Variants in SORCS3 observed in about 807,000 individuals in gnomAD.
The protein encoded by SORCS3 is sortilin related VPS10 domain containing receptor 3, also known as VPS10 domain-containing receptor SorCS3.
In SORCS3, 57 loss-of-function variants were observed where a neutral mutation model predicts 146.3. That is an observed-to-expected ratio of 0.39 (90% CI 0.31 to 0.49). SORCS3 has a LOEUF of 0.49. SORCS3 is among the 20% of genes least tolerant of loss of function. The probability of loss-of-function intolerance (pLI) is 0.92; values close to 1 mark genes in which losing one functional copy is unlikely to be tolerated. For synonymous variants in SORCS3, 653 were observed against 618.5 expected, an observed-to-expected ratio of 1.06 and a Z score of -0.83; for missense variants, 1,341 against 1,575.5, an observed-to-expected ratio of 0.85 and a Z score of 2.52.
At chr10:104,926,088 G>A (rs1419420530) in intron 3 of SORCS3, among the ~76,000 whole-genome samples, 2 of 152,198 alleles carry the variant, frequency 1.3e-5, no homozygotes, top group African/African-American at 4.8e-5. Context: ...AGTGGCTGCT[G>A]GGCCTCCCCT....
chr10:104,791,596 C>T (rs1473999026), intron 1 of SORCS3, among the ~76,000 whole-genome samples: 1 of 152,184 alleles, frequency 6.6e-6, no homozygotes, highest in Non-Finnish European at 1.5e-5. Context: ...GATTAAATTT[C>T]AGCAGAATCA....
intron 8 of SORCS3, among the ~76,000 whole-genome samples, chr10:105,146,597 G>A (rs924252971): frequency 6.6e-6 from 1 of 152,000 alleles, no homozygotes; most frequent in African/African-American, 2.4e-5. Context: ...TACTTCATGA[G>A]TCATCAGTTT....
chr10:104,910,248 T>C (rs1030895698), intron 2 of SORCS3, among the ~76,000 whole-genome samples: 4 of 152,174 alleles, frequency 2.6e-5, no homozygotes, highest in African/African-American at 9.7e-5. Context: ...CAAGGAGCAG[T>C]GTCTCTTTGG....
rs1176039734 is a variant in SORCS3 at position 105,158,909 on chromosome 10, T to G, written c.1647T>G (p.His549Gln). ...VHCLLPFCSL[H>Q]LHLQLSENPY... is the part of the protein sequence containing the mutation. ...CATTTTAGCCCTTCTGTTCCTTACA[T>G]CTGCACCTGCAACTCTCTGAAAATC... Residue 549 changes from histidine (H) to glutamine (Q), a missense_variant, in exon 11 of 27, where the codon CAT becomes CAG. By Grantham distance (24) the His-to-Gln change is conservative. Transcript: ENST00000369701. 6.2e-7 allele frequency: 1 copy of G among 1,612,670 alleles called. No individual in the cohort carries two copies. The highest frequency in any genetic ancestry group is 1.1e-5 in the South Asian group (1 of 91,062).
chr10:105,074,384 A>G (rs1373918707), intron 5 of SORCS3, among the ~76,000 whole-genome samples: 2 of 152,216 alleles, frequency 1.3e-5, no homozygotes, highest in Non-Finnish European at 2.9e-5. Flanking sequence ...TTTGTTCAAC[A>G]ATATAATTGA....
At chr10:104,963,343 C>T (rs997457952) in intron 3 of SORCS3, among the ~76,000 whole-genome samples, 1 of 152,184 alleles carries the variant, frequency 6.6e-6, no homozygotes, top group Admixed American at 6.5e-5. Flanking sequence ...AATACCCTCC[C>T]TGTTGCTACA....
intron 1 of SORCS3, among the ~76,000 whole-genome samples, chr10:104,677,106 G>C (rs914280231): frequency 6.6e-6 from 1 of 152,160 alleles, no homozygotes; most frequent in East Asian, 1.9e-4. Context: ...CAGAATAAGC[G>C]GGTTGAGCAA....
At chr10:105,251,506 A>G (rs2056898237) in intron 22 of SORCS3, among the ~76,000 whole-genome samples, 1 of 152,170 alleles carries the variant, frequency 6.6e-6, no homozygotes, top group Admixed American at 6.5e-5. Flanking sequence ...TATATCTCTG[A>G]AATGCAGTGG....
chr10:105,212,972 A>C (rs573340614), intron 17 of SORCS3, among the ~76,000 whole-genome samples: 2 of 152,184 alleles, frequency 1.3e-5, no homozygotes, highest in Non-Finnish European at 2.9e-5. Context: ...AAATGTAAAA[A>C]ATAAGGTGAT....
At chr10:104,707,255 T>A (rs1285223857) in intron 1 of SORCS3, among the ~76,000 whole-genome samples, 2 of 152,200 alleles carry the variant, frequency 1.3e-5, no homozygotes, top group Non-Finnish European at 2.9e-5. Flanking sequence ...GTTTAGTCCA[T>A]AAGAAAGAGA....
intron 10 of SORCS3, 128 bp from the exon 11 acceptor site, chr10:105,158,764 C>A: frequency 1.4e-6 from 1 of 691,340 alleles, no homozygotes; most frequent in Non-Finnish European, 2.5e-6. Context: ...CTGCCCAAAA[C>A]TGTGTGACTC....
chr10:105,030,392 C>A (rs1418328468), intron 4 of SORCS3, among the ~76,000 whole-genome samples: 1 of 152,110 alleles, frequency 6.6e-6, no homozygotes, highest in East Asian at 1.9e-4. Context: ...TCTATATGGT[C>A]TGTTACCTCC....
At chr10:104,953,999 G>A (rs887898405) in intron 3 of SORCS3, among the ~76,000 whole-genome samples, 6 of 152,286 alleles carry the variant, frequency 3.9e-5, no homozygotes, top group South Asian at 2.1e-4. Flanking sequence ...ATTGGGCAAG[G>A]CCAGGAAAAT....
At chr10:104,688,197 A>G (rs923711546) in intron 1 of SORCS3, among the ~76,000 whole-genome samples, 1 of 152,246 alleles carries the variant, frequency 6.6e-6, no homozygotes, top group Non-Finnish European at 1.5e-5. Flanking sequence ...CCAAACTAGA[A>G]CAGTTGCAGG....
intron 1 of SORCS3, among the ~76,000 whole-genome samples, chr10:104,785,859 G>T (rs1298940728): frequency 1.3e-5 from 2 of 152,168 alleles, no homozygotes; most frequent in African/African-American, 4.8e-5. Flanking sequence ...TGGTGAAAGT[G>T]GTCAATCTTC....
At chr10:104,970,775 A>T (rs1292416297) in intron 3 of SORCS3, among the ~76,000 whole-genome samples, 1 of 152,214 alleles carries the variant, frequency 6.6e-6, no homozygotes, top group Non-Finnish European at 1.5e-5. Context: ...AAAGAGGGAA[A>T]GGACTGTGAA....
intron 3 of SORCS3, among the ~76,000 whole-genome samples, chr10:104,932,385 A>G (rs1282201030): frequency 6.6e-6 from 1 of 152,194 alleles, no homozygotes; most frequent in Non-Finnish European, 1.5e-5. Context: ...ATGGGCCTGA[A>G]CTATCAACCC....
intron 5 of SORCS3, among the ~76,000 whole-genome samples, chr10:105,066,600 C>G (rs1204756184): frequency 6.6e-6 from 1 of 152,152 alleles, no homozygotes; most frequent in East Asian, 1.9e-4. Context: ...TAGGCACCCT[C>G]AGCATGTCAT....
chr10:104,996,248 T>A (rs1340671721), intron 4 of SORCS3, among the ~76,000 whole-genome samples: 1 of 152,170 alleles, frequency 6.6e-6, no homozygotes, highest in African/African-American at 2.4e-5. Context: ...GCTTTTGGAA[T>A]TTTGGTTGGG....
Sources: gnomAD v4.1 joint callset for allele counts (sites outside exome capture counted in the v4.1 genomes callset) on GRCh38, gnomAD v4.1.1 for gene constraint, MANE v1.5 for transcripts, NCBI Gene and HGNC (gene_info 2026-07-23, HGNC 2026-07-21) for gene names.